Variants in NBAS observed in about 807,000 individuals in gnomAD.
The protein encoded by NBAS is NBAS subunit of NRZ tethering complex, also known as NAG/BC035112 fusion.
Under a neutral mutation model 302.5 loss-of-function variants are expected in NBAS, and 219 were observed. The observed-to-expected ratio is 0.72, with a 90% CI of 0.65 to 0.81. NBAS has a LOEUF of 0.81. Ranked by LOEUF, NBAS falls within the 30% of genes least tolerant of loss-of-function variation. NBAS has a pLI of 0.00. For missense variants in NBAS, 2,932 were observed against 2,841.6 expected, an observed-to-expected ratio of 1.03 and a Z score of -0.72; for synonymous variants, 1,118 against 1,021.6, an observed-to-expected ratio of 1.09 and a Z score of -1.80.
At chr2:15,382,328 T>C (rs960059575) in intron 29 of NBAS, among the ~76,000 whole-genome samples, 1 of 152,208 alleles carries the variant, frequency 6.6e-6, no homozygotes, top group Non-Finnish European at 1.5e-5. Context: ...ATATTCCATA[T>C]GTTATAATAT....
chr2:15,149,450 C>A, the NBAS span, among the ~76,000 whole-genome samples: 78 of 152,248 alleles, frequency 5.1e-4, no homozygotes, highest in Non-Finnish European at 8.4e-4. Context: ...ACCTCTGATC[C>A]TATTTTGGTT....
intron 11 of NBAS, among the ~76,000 whole-genome samples, chr2:15,496,298 A>G (rs993401419): frequency 2.0e-5 from 3 of 152,166 alleles, no homozygotes; most frequent in African/African-American, 7.2e-5. Flanking sequence ...ACAAACTAAA[A>G]GATTAGGGGT....
At position 15,234,621 on chromosome 2, in the gene NBAS, C is replaced by T; in HGVS notation, c.6070G>A (p.Val2024Met). The T allele has an allele frequency of 1.2e-6, 2 of 1,614,144 alleles. No individual in the cohort carries two copies. The highest frequency in any genetic ancestry group is 2.2e-5 in the East Asian group (1 of 44,874). The change falls in exon 46 of 52, where the codon GTG becomes ATG. Residue 2024 changes from valine to methionine, a missense_variant. Transcript: ENST00000281513. ...PLAMIQQLLE[V>M]AVGPLDISPK... ...GAGATGTCAAGAGGGCCAACTGCCACCTCTAGCAGCTGCTGAATCATTGCT... is the reference window on the plus strand; with the variant it reads ...GAGATGTCAAGAGGGCCAACTGCCATCTCTAGCAGCTGCTGAATCATTGCT...
chr2:15,334,398 C>T (rs1314492967), intron 35 of NBAS, among the ~76,000 whole-genome samples: 1 of 152,092 alleles, frequency 6.6e-6, no homozygotes, highest in African/African-American at 2.4e-5. Flanking sequence ...CCGTGTTAGC[C>T]AGGATGGTCT....
downstream of NBAS, among the ~76,000 whole-genome samples, chr2:15,165,609 C>T (rs1182445121): frequency 2.6e-5 from 4 of 152,146 alleles, no homozygotes; most frequent in African/African-American, 4.8e-5. Flanking sequence ...TAAGGCGAAG[C>T]GATGTTATTC....
chr2:14,861,094 A>T, the NBAS span, among the ~76,000 whole-genome samples: 1 of 152,216 alleles, frequency 6.6e-6, no homozygotes, highest in Non-Finnish European at 1.5e-5. Flanking sequence ...GAAGATTTAC[A>T]TTCTCTATTT....
At chr2:14,939,193 T>C in the NBAS span, among the ~76,000 whole-genome samples, 1 of 152,248 alleles carries the variant, frequency 6.6e-6, no homozygotes, top group Non-Finnish European at 1.5e-5. Flanking sequence ...GGCCATAACA[T>C]AGAGGTTCTG....
chr2:14,884,581 T>C, the NBAS span, among the ~76,000 whole-genome samples: 65 of 152,288 alleles, frequency 4.3e-4, no homozygotes, highest in African/African-American at 1.4e-3. Flanking sequence ...GGTTTTGTAT[T>C]TAGTTATGCA....
intron 48 of NBAS, among the ~76,000 whole-genome samples, chr2:15,204,855 G>C (rs1345349421): frequency 2.0e-5 from 3 of 152,098 alleles, no homozygotes; most frequent in Non-Finnish European, 4.4e-5. Context: ...ACTGGGGCCT[G>C]TCATGCAGTT....
At chr2:15,158,635 C>T in the NBAS span, among the ~76,000 whole-genome samples, 1 of 152,332 alleles carries the variant, frequency 6.6e-6, no homozygotes, top group South Asian at 2.1e-4. Flanking sequence ...GCCTTCCTCC[C>T]TCAGGGCTGC....
At chr2:15,279,734 A>G (rs1022270533) in intron 42 of NBAS, among the ~76,000 whole-genome samples, 2 of 152,180 alleles carry the variant, frequency 1.3e-5, no homozygotes, top group Admixed American at 1.3e-4. Flanking sequence ...TTACTGACTC[A>G]TGATAAATAC....
At chr2:15,429,686 A>C (rs998946349) in intron 21 of NBAS, among the ~76,000 whole-genome samples, 1 of 152,204 alleles carries the variant, frequency 6.6e-6, no homozygotes, top group Non-Finnish European at 1.5e-5. Context: ...GAAGTTTATT[A>C]TATCGTGTAT....
chr2:15,175,863 G>T (rs548907227), intron 51 of NBAS, among the ~76,000 whole-genome samples: 1 of 152,324 alleles, frequency 6.6e-6, no homozygotes, highest in East Asian at 1.9e-4. Flanking sequence ...AAAGCTGTCA[G>T]TATCTTATAA....
intron 48 of NBAS, among the ~76,000 whole-genome samples, chr2:15,204,699 G>A (rs1233519670): frequency 1.3e-5 from 2 of 152,192 alleles, no homozygotes; most frequent in Non-Finnish European, 1.5e-5. Context: ...ATGAGTTCAT[G>A]TCCTTTGTAG....
chr2:15,044,625 C>A, the NBAS span, among the ~76,000 whole-genome samples: 5 of 152,190 alleles, frequency 3.3e-5, no homozygotes, highest in African/African-American at 4.8e-5. Context: ...TGACTCAGAT[C>A]TCTGCAAGTC....
intron 12 of NBAS, among the ~76,000 whole-genome samples, chr2:15,488,351 C>T (rs13420996): frequency 0.026 from 3,890 of 152,156 alleles, 172 homozygotes; most frequent in African/African-American, 0.089. Flanking sequence ...ATATATGTCA[C>T]TAACTAGTGC....
intron 21 of NBAS, among the ~76,000 whole-genome samples, chr2:15,439,021 C>A (rs568262645): frequency 6.6e-6 from 1 of 152,236 alleles, no homozygotes; most frequent in South Asian, 2.1e-4. Context: ...CCCGGCCGGG[C>A]ACGGTGGCTC....
In NBAS at chr2:15,238,658, G is replaced by C. The variant is rs747813425; in HGVS notation, c.5753C>G (p.Thr1918Ser). Residue 1918 changes from threonine (T) to serine (S), a missense_variant, in exon 45 of 52, where the codon ACT (threonine) becomes AGT (serine). Transcript: ENST00000281513. ...KLSVEARKEM[T>S]RKAIKTVKHF... ...TTTGACTGTCTTAATAGCCTTTCTA[G>C]TCATCTCTTTACGGGCTTCCACAGA... is the stretch of plus-strand genomic sequence containing the variant. The C allele has an allele frequency of 6.2e-7, 1 of 1,610,892 alleles. No homozygotes were observed. Among genetic ancestry groups the C allele is most frequent in the African/African-American group, 1.4e-5 (1 of 73,928 alleles).
chr2:15,500,026 G>C (rs1661431833), intron 11 of NBAS, among the ~76,000 whole-genome samples: 2 of 152,094 alleles, frequency 1.3e-5, no homozygotes, highest in Non-Finnish European at 2.9e-5. Flanking sequence ...ACTACTGGCA[G>C]CAATATTTGG....
Sources: allele counts gnomAD v4.1 joint callset (sites outside exome capture counted in the v4.1 genomes callset), GRCh38; gene constraint gnomAD v4.1.1; transcripts MANE v1.5; gene names NCBI Gene and HGNC (gene_info 2026-07-23, HGNC 2026-07-21).